STAT1: variants seen among roughly 807,000 people sequenced by gnomAD.
STAT1 encodes signal transducer and activator of transcription 1-alpha/beta.
STAT1 carries 24 observed loss-of-function variants against 111.7 expected under a neutral mutation model. The ratio of observed to expected loss-of-function variants is 0.21; its 90% CI spans 0.16 to 0.30. STAT1 has a LOEUF of 0.30. STAT1 is among the 10% of genes least tolerant of loss of function. STAT1 has a pLI of 1.00. For synonymous variants in STAT1, 332 were observed against 326.5 expected (o/e 1.02, Z -0.18); for missense variants, 351 against 911.9 (o/e 0.38, Z 7.92).
rs762760115 is a variant in STAT1 at position 190,983,584 on chromosome 2, A to G, written c.1446+58T>C. ...ATTGGGGCTATTTCAGAGATGCAGC[A>G]GTGAGAGCGTGGGGTCTCTGCTTAA... On this transcript the variant is annotated intron_variant, in intron 17 of 24. Transcript: ENST00000361099. The surrounding 1 kb of genome is among the most constrained non-coding windows in gnomAD (Gnocchi z 5.7). 2 of 1,452,322 alleles carry G rather than the reference A, an allele frequency of 1.4e-6. No homozygotes were observed. Among genetic ancestry groups the G allele is most frequent in the Non-Finnish European group, 1.9e-6 (2 of 1,032,870 alleles). 90.0% of individuals were successfully genotyped at this position (1,452,322 alleles called of 1,614,324 possible).
Position 190,983,858 on chromosome 2 carries a change from T to C in STAT1, c.1348-118A>G. 1.2e-6 allele frequency: 1 copy of C among 854,292 alleles called. No homozygotes were observed. Among genetic ancestry groups the C allele is most frequent in the South Asian group, 1.4e-5 (1 of 71,346 alleles). The allele number at this position is 854,292 out of a possible 1,614,324, so 52.9% of individuals were successfully genotyped here. ...TGTAAATTTGTACATATTTAATACTTGAAAATGAGAAGTGTTAAGTTCTGT... is the reference window on the plus strand; with the variant it reads ...TGTAAATTTGTACATATTTAATACTCGAAAATGAGAAGTGTTAAGTTCTGT... On this transcript the variant is annotated intron_variant, in intron 16 of 24. Coordinates refer to ENST00000361099, the MANE Select transcript of STAT1 (RefSeq NM_007315.4). The surrounding 1 kb of genome is among the most constrained non-coding windows in gnomAD (Gnocchi z 5.7).
Position 190,989,553 on chromosome 2 carries a change from TG to T in STAT1, c.1097+61del. 1 of 1,102,582 alleles carries T rather than the reference TG, an allele frequency of 9.1e-7. No individual in the cohort carries two copies. The highest frequency in any genetic ancestry group is 1.3e-6 in the Non-Finnish European group (1 of 746,128). The allele number at this position is 1,102,582 out of a possible 1,614,324, so 68.3% of individuals were successfully genotyped here. A position where few individuals can be genotyped will look rare whatever the true frequency, so the allele number is the denominator to read the frequency against. On this transcript the variant is annotated intron_variant, in intron 12 of 24. Coordinates refer to ENST00000361099, the MANE Select transcript of STAT1 (RefSeq NM_007315.4). This position sits in a 1 kb window ranked among gnomAD's most constrained non-coding sequence, Gnocchi z 5.0. The stretch of plus-strand genomic sequence containing the variant: ...CTTATTTAGTGGAGGAATCTGTGCT[TG>T]AGTAACAAAATCAACATTTCAATAG...
In STAT1 at chr2:191,012,110, T is replaced by G. The variant is rs1574676275; in HGVS notation, c.-2+1415A>C. 6.6e-6 allele frequency among the ~76,000 whole-genome samples: 1 copy of G among 151,064 alleles called. No homozygotes were observed. Among genetic ancestry groups the G allele is most frequent in the Non-Finnish European group, 1.5e-5 (1 of 67,758 alleles). ...TATGTAGCACCTGGCACAGAAGAGG[T>G]GAATTAATAAGCTCATGTTTGGGCT... On this transcript the variant is annotated intron_variant, in intron 2 of 24. Coordinates refer to ENST00000361099, the MANE Select transcript of STAT1 (RefSeq NM_007315.4). This position sits in a 1 kb window ranked among gnomAD's most constrained non-coding sequence, Gnocchi z 4.0.
rs7576984 is a variant in STAT1 at position 191,003,857 on chromosome 2, C to A, written c.373-2694G>T. ...CTTTGTAACAGCTGGGACACTACAC[C>A]TAGAGAGAGGGACCAGGCCACTGGA... On this transcript the variant is annotated intron_variant, in intron 5 of 24. Transcript: ENST00000361099. This position sits in a 1 kb window ranked among gnomAD's most constrained non-coding sequence, Gnocchi z 4.0. Among the ~76,000 whole-genome samples, 11,900 of 152,232 alleles carry A rather than the reference C, an allele frequency of 0.078. 586 individuals are homozygous for A. The highest frequency in any genetic ancestry group is 0.16 in the East Asian group (819 of 5,178).
Position 190,998,337 on chromosome 2 carries a change from T to C in STAT1, c.542-29A>G, listed in dbSNP as rs762740042. On this transcript the variant is annotated intron_variant, in intron 7 of 24. Coordinates refer to ENST00000361099, the MANE Select transcript of STAT1 (RefSeq NM_007315.4). This position sits in a 1 kb window ranked among gnomAD's most constrained non-coding sequence, Gnocchi z 4.1. Reference sequence around the variant, plus strand: ...TAAATTGAGAGACAGCCAGTAAATATATAAAGAAGACAAAACCAACAAAAG... The same window carrying C: ...TAAATTGAGAGACAGCCAGTAAATACATAAAGAAGACAAAACCAACAAAAG... 85 of 1,556,666 alleles carry C rather than the reference T, an allele frequency of 5.5e-5. No individual in the cohort carries two copies. Among genetic ancestry groups the C allele is most frequent in the Non-Finnish European group, 6.9e-5 (78 of 1,129,154 alleles).
Position 190,982,240 on chromosome 2 carries a change from C to T in STAT1, c.1582+143G>A, listed in dbSNP as rs1692447805. 2 of 904,306 alleles carry T rather than the reference C, an allele frequency of 2.2e-6. No individual in the cohort carries two copies. Among genetic ancestry groups the T allele is most frequent in the Admixed American group, 4.0e-5 (2 of 50,058 alleles). The allele number at this position is 904,306 out of a possible 1,614,324, so 56.0% of individuals were successfully genotyped here. A position where few individuals can be genotyped will look rare whatever the true frequency, so the allele number is the denominator to read the frequency against. On this transcript the variant is annotated intron_variant, in intron 18 of 24. Transcript: ENST00000361099. This position sits in a 1 kb window ranked among gnomAD's most constrained non-coding sequence, Gnocchi z 7.3. ...AAGGTGACATATGATTCTCACTTAG[C>T]TATAATAAACTATAGCTTGAAAAGC...
In STAT1 at chr2:190,983,367, T is replaced by G. The variant is rs1027699200; in HGVS notation, c.1446+275A>C. On this transcript the variant is annotated intron_variant, in intron 17 of 24. Transcript: ENST00000361099. This position sits in a 1 kb window ranked among gnomAD's most constrained non-coding sequence, Gnocchi z 5.7. ...ACTCTAAGAATGGAGCATGCTTGTT[T>G]AGTAGATGTATACATTTTAAAAATA... is the stretch of plus-strand genomic sequence containing the variant. 1.2e-4 allele frequency among the ~76,000 whole-genome samples: 19 copies of G among 152,220 alleles called. No homozygotes were observed. The highest frequency in any genetic ancestry group is 1.1e-3 in the Admixed American group (17 of 15,288).
intron 2 of STAT1, among the ~76,000 whole-genome samples, chr2:191,010,727 C>T (rs1488730865): frequency 6.6e-6 from 1 of 152,086 alleles, no homozygotes; most frequent in Non-Finnish European, 1.5e-5. Flanking sequence ...TCTTTGCCTA[C>T]TACAAACAAT....
chr2:191,005,028 T>G (rs1694573643), intron 5 of STAT1, among the ~76,000 whole-genome samples: 1 of 152,214 alleles, frequency 6.6e-6, no homozygotes, highest in Admixed American at 6.5e-5. Context: ...TAGCATAATA[T>G]TCTCTTAAAT....
intron 10 of STAT1, among the ~76,000 whole-genome samples, chr2:190,994,103 C>T (rs894287029): frequency 3.3e-5 from 5 of 152,104 alleles, no homozygotes; most frequent in East Asian, 1.9e-4. Flanking sequence ...GTGAAGCTTT[C>T]GGGATGATAC....
Position 190,995,040 on chromosome 2 carries a change from A to G in STAT1, c.944+21T>C. Reference sequence around the variant, plus strand: ...GTATAGACCGATTACAGAAGGTACAAATAAATGTCCCTTGAGTTACCTCTG... The same window carrying G: ...GTATAGACCGATTACAGAAGGTACAGATAAATGTCCCTTGAGTTACCTCTG... On this transcript the variant is annotated intron_variant, in intron 10 of 24. Transcript: ENST00000361099. This position sits in a 1 kb window ranked among gnomAD's most constrained non-coding sequence, Gnocchi z 4.2. 2 of 1,611,558 alleles carry G rather than the reference A, an allele frequency of 1.2e-6. No homozygotes were observed. Among genetic ancestry groups the G allele is most frequent in the Non-Finnish European group, 8.5e-7 (1 of 1,178,088 alleles).
Position 190,995,189 on chromosome 2 carries a change from T to C in STAT1, c.816A>G (p.Gln272=). 1.9e-6 allele frequency: 3 copies of C among 1,614,012 alleles called. No homozygotes were observed. In the East Asian group the frequency reaches 6.7e-5, roughly 36 times the overall value. The change falls in exon 10 of 25, where the codon CAA becomes CAG. Residue 272 remains glutamine (Q), a synonymous_variant. Transcript: ENST00000361099. This position sits in a 1 kb window ranked among gnomAD's most constrained non-coding sequence, Gnocchi z 4.2. The part of the protein sequence containing the change: ...WFTIVAESLQ[Q]VRQQLKKLEE... ...CCAACTTTTTAAGCTGCTGCCGAAC[T>C]TGCTGCAGACTCTCCGCAACTATAG...
chr2:191,011,951 A>G (rs908316940), intron 2 of STAT1, among the ~76,000 whole-genome samples: 2 of 151,612 alleles, frequency 1.3e-5, no homozygotes, highest in African/African-American at 4.8e-5. Flanking sequence ...GCCTCTCGTT[A>G]TGTTTCTGAG....
rs1469633631 is a variant in STAT1 at position 190,993,481 on chromosome 2, TAAG to T, written c.944+1577_944+1579del. 8.0e-6 allele frequency: 9 copies of T among 1,118,208 alleles called. No individual in the cohort carries two copies. The African/African-American group carries it at 9.4e-5, about 12-fold the overall frequency. The allele number at this position is 1,118,208 out of a possible 1,614,324, so 69.3% of individuals were successfully genotyped here. A position where few individuals can be genotyped will look rare whatever the true frequency, so the allele number is the denominator to read the frequency against. ...CTGTATATGTTATCATCTGCAAACCTAAGAAGGAGGCAAGACTTTCCAACCCCA... is the reference window on the plus strand; with the variant it reads ...CTGTATATGTTATCATCTGCAAACCTAAGGAGGCAAGACTTTCCAACCCCA... On this transcript the variant is annotated intron_variant, in intron 10 of 24. Transcript: ENST00000361099. The surrounding 1 kb of genome is among the most constrained non-coding windows in gnomAD (Gnocchi z 4.1).
rs45528537 is a variant in STAT1 at position 190,971,286 on chromosome 2, C to T, written c.2239-569G>A. ...AAGGATACTAGCCTGCCAGTGACTT[C>T]CTGTCTGACTTCCACACTGGTCTTT... On this transcript the variant is annotated intron_variant, in intron 24 of 24. Coordinates refer to ENST00000361099, the MANE Select transcript of STAT1 (RefSeq NM_007315.4). The surrounding 1 kb of genome is among the most constrained non-coding windows in gnomAD (Gnocchi z 4.1). Among the ~76,000 whole-genome samples, 884 of 152,326 alleles carry T rather than the reference C, an allele frequency of 5.8e-3. 9 individuals are homozygous for T. The highest frequency in any genetic ancestry group is 0.019 in the African/African-American group (794 of 41,576).
chr2:190,974,737 C>T lies in STAT1; in HGVS notation c.2238+93G>A, dbSNP rs945901249. 1.5e-5 allele frequency: 17 copies of T among 1,171,330 alleles called. No individual in the cohort carries two copies. The highest frequency in any genetic ancestry group is 3.0e-5 in the African/African-American group (2 of 66,246). 72.6% of individuals were successfully genotyped at this position (1,171,330 alleles called of 1,614,324 possible). On this transcript the variant is annotated intron_variant, in intron 24 of 24. Transcript: ENST00000361099. The surrounding 1 kb of genome is among the most constrained non-coding windows in gnomAD (Gnocchi z 4.8). ...CCTTGGCTCCGCCAGGGCTCCCTCC[C>T]GCAGACAGGCCCGGGATCTGCCATG...
In STAT1 at chr2:191,007,274, C is replaced by G. The variant is rs1694779304; in HGVS notation, c.372+289G>C. Among the ~76,000 whole-genome samples the G allele has an allele frequency of 6.6e-6, 1 of 152,186 alleles. No individual in the cohort carries two copies. The highest frequency in any genetic ancestry group is 6.5e-5 in the Admixed American group (1 of 15,270). ...CTGACCCTGATCTAAAGGAACAACCCCACTCCCAGCCACTCCATGAATTCA... is the reference window on the plus strand; with the variant it reads ...CTGACCCTGATCTAAAGGAACAACCGCACTCCCAGCCACTCCATGAATTCA... On this transcript the variant is annotated intron_variant, in intron 5 of 24. Coordinates refer to ENST00000361099, the MANE Select transcript of STAT1 (RefSeq NM_007315.4). This position sits in a 1 kb window ranked among gnomAD's most constrained non-coding sequence, Gnocchi z 4.2.
rs151054580 is a variant in STAT1, at chr2:190,971,797, C to G, written c.2239-1080G>C. Among the ~76,000 whole-genome samples the G allele has an allele frequency of 0.03, 4,493 of 152,054 alleles. 205 individuals carry two copies. The highest frequency in any genetic ancestry group is 0.1 in the African/African-American group (4,150 of 41,450). ...GCACCATCTTGGCTCACTGCAACCT[C>G]CACCTTCCAGGTTCAAGCGATCCTC... On this transcript the variant is annotated intron_variant, in intron 24 of 24. Coordinates refer to ENST00000361099, the MANE Select transcript of STAT1 (RefSeq NM_007315.4). The surrounding 1 kb of genome is among the most constrained non-coding windows in gnomAD (Gnocchi z 4.1).
rs566497860 is a variant in STAT1 at position 190,996,354 on chromosome 2, C to T, written c.786-1135G>A. ...TTTCTGATTTTGCTCGATTCCAGTT[C>T]AAAGCCCTGGGACAGCAGCCCTTCG... On this transcript the variant is annotated intron_variant, in intron 9 of 24. Coordinates refer to ENST00000361099, the MANE Select transcript of STAT1 (RefSeq NM_007315.4). This position sits in a 1 kb window ranked among gnomAD's most constrained non-coding sequence, Gnocchi z 4.5. Among the ~76,000 whole-genome samples, 1 of 152,334 alleles carries T rather than the reference C, an allele frequency of 6.6e-6. No individual in the cohort carries two copies. The highest frequency in any genetic ancestry group is 2.1e-4 in the South Asian group (1 of 4,828).
Sources: gnomAD v4.1 joint callset for allele counts (sites outside exome capture counted in the v4.1 genomes callset) on GRCh38, gnomAD v4.1.1 for gene constraint, Gnocchi (gnomAD v3.1) non-coding constraint, MANE v1.5 for transcripts, NCBI Gene and HGNC (gene_info 2026-07-23, HGNC 2026-07-21) for gene names.